Variants in GALNT12 observed in about 807,000 individuals in gnomAD.
The protein encoded by GALNT12 is UDP-GalNAc:polypeptide N-acetylgalactosaminyltransferase 12.
In GALNT12, 45 loss-of-function variants were observed where a neutral mutation model predicts 55.5. The observed-to-expected ratio is 0.81, with a 90% CI of 0.64 to 1.04. The LOEUF (loss-of-function observed/expected upper bound fraction) is 1.04, where lower values mean the gene tolerates loss of function less well. GALNT12 is among the 50% of genes least tolerant of loss of function. The pLI, the probability that GALNT12 is intolerant of heterozygous loss-of-function variation, is 0.00. For missense variants in GALNT12, 709 were observed against 754.8 expected (o/e 0.94, Z 0.71); for synonymous variants, 304 against 312.2 (o/e 0.97, Z 0.28).
Position 98,838,619 on chromosome 9 carries a change from G to C in GALNT12, c.1213-1383G>C, listed in dbSNP as rs73655525. ...TGAGGGATCTGCCTCTTCTTTCCCA[G>C]GTCTTGGGCTTCAGATGAAACACAG... is the stretch of plus-strand genomic sequence containing the variant. On this transcript the variant is annotated intron_variant, in intron 6 of 9. Transcript: ENST00000375011. Among the ~76,000 whole-genome samples, 312 of 152,330 alleles carry C rather than the reference G, an allele frequency of 2.0e-3. 1 individual carries two copies. The highest frequency in any genetic ancestry group is 7.1e-3 in the African/African-American group (297 of 41,578).
At chr9:98,821,060 G>A (rs780741640) in intron 1 of GALNT12, among the ~76,000 whole-genome samples, 1 of 152,188 alleles carries the variant, frequency 6.6e-6, no homozygotes, top group Non-Finnish European at 1.5e-5. Context: ...TGAATCAAGA[G>A]TACAGTGGCA....
At chr9:98,835,789 G>A (rs2416537) in intron 5 of GALNT12, among the ~76,000 whole-genome samples, 51,231 of 151,652 alleles carry the variant, frequency 0.34, 8,861 homozygotes, top group East Asian at 0.5. Context: ...AGGCTGGAGC[G>A]CAGTGGCACG....
chr9:98,839,453 G>A (rs1264727077), intron 6 of GALNT12, among the ~76,000 whole-genome samples: 1 of 152,156 alleles, frequency 6.6e-6, no homozygotes, highest in Non-Finnish European at 1.5e-5. Flanking sequence ...AAAGCTCTCA[G>A]TCATTAGTTT....
At chr9:98,824,422 C>T (rs559438430) in intron 2 of GALNT12, among the ~76,000 whole-genome samples, 32 of 152,254 alleles carry the variant, frequency 2.1e-4, no homozygotes, top group East Asian at 9.7e-4. Flanking sequence ...CCCTTCCTCC[C>T]GAGGGCACTG....
At chr9:98,846,903 T>C (rs1460961641) in intron 9 of GALNT12, among the ~76,000 whole-genome samples, 1 of 149,694 alleles carries the variant, frequency 6.7e-6, no homozygotes, top group Non-Finnish European at 1.5e-5. Context: ...CTTACTTTAC[T>C]GAGGATTAGA....
chr9:98,830,066 G>C lies in GALNT12; in HGVS notation c.732-1706G>C, dbSNP rs377191740. 2.6e-3 allele frequency among the ~76,000 whole-genome samples: 389 copies of C among 152,318 alleles called. 1 individual carries two copies. The highest frequency in any genetic ancestry group is 9.2e-3 in the African/African-American group (381 of 41,570). On this transcript the variant is annotated intron_variant, in intron 3 of 9. Coordinates refer to ENST00000375011, the MANE Select transcript of GALNT12 (RefSeq NM_024642.5). ...AACCTTCAAACTGTTCTCCATAGAG[G>C]TTGTACTAATTTACATTCCCACCAA... is the stretch of plus-strand genomic sequence containing the variant.
At chr9:98,836,482 T>C (rs530653833) in intron 5 of GALNT12, among the ~76,000 whole-genome samples, 2 of 152,338 alleles carry the variant, frequency 1.3e-5, no homozygotes, top group Admixed American at 1.3e-4. Flanking sequence ...TGGGCTCAGA[T>C]GCCTTCGCCT....
At chr9:98,835,500 T>A in intron 5 of GALNT12, 134 bp downstream of exon 5, 1 of 755,724 alleles carries the variant, frequency 1.3e-6, no homozygotes, top group Non-Finnish European at 2.4e-6. Flanking sequence ...CTTGCTTTCT[T>A]GTTTTAGCTT....
chr9:98,813,814 A>C (rs1466837955), intron 1 of GALNT12, among the ~76,000 whole-genome samples: 3 of 152,120 alleles, frequency 2.0e-5, no homozygotes, highest in Non-Finnish European at 2.9e-5. Context: ...GATTTAAAAA[A>C]AAAAAACTTT....
At chr9:98,819,719 G>T (rs1198661059) in intron 1 of GALNT12, among the ~76,000 whole-genome samples, 2 of 152,026 alleles carry the variant, frequency 1.3e-5, no homozygotes, top group African/African-American at 2.4e-5. Context: ...AATTGTCCTT[G>T]TCTTGGTAGG....
At position 98,812,455 on chromosome 9, in the gene GALNT12, G is replaced by T. The variant is rs139091264; in HGVS notation, c.371+4386G>T. Among the ~76,000 whole-genome samples, 1,048 of 152,306 alleles carry T rather than the reference G, an allele frequency of 6.9e-3. 11 individuals are homozygous for T. The highest frequency in any genetic ancestry group is 0.024 in the African/African-American group (982 of 41,572). On this transcript the variant is annotated intron_variant, in intron 1 of 9. Coordinates refer to ENST00000375011, the MANE Select transcript of GALNT12 (RefSeq NM_024642.5). Reference sequence around the variant, plus strand: ...AAAATAGAAAAATTAGCTGGGCGTGGTGGTGGGTGTCTGTAGTCCCAGCTA... The same window carrying T: ...AAAATAGAAAAATTAGCTGGGCGTGTTGGTGGGTGTCTGTAGTCCCAGCTA...
At chr9:98,831,690 G>GGGA in intron 3 of GALNT12, 82 bp from the exon 4 acceptor site, 1 of 1,464,268 alleles carries the variant, frequency 6.8e-7, no homozygotes, top group African/African-American at 1.4e-5. Context: ...AGGAAGACAA[G>GGGA]AATTCACCCT....
At chr9:98,823,093 A>T (rs1485982194) in intron 1 of GALNT12, among the ~76,000 whole-genome samples, 163 bp from the exon 2 acceptor site, 10 of 152,114 alleles carry the variant, frequency 6.6e-5, no homozygotes, top group Admixed American at 6.5e-4. Context: ...CCTTTCTTGG[A>T]GTCTGCTGGG....
At chr9:98,837,292 C>T in intron 6 of GALNT12, 144 bp downstream of exon 6, 3 of 797,302 alleles carry the variant, frequency 3.8e-6, no homozygotes, top group South Asian at 2.8e-5. Flanking sequence ...GAATTTATTC[C>T]TCCATTTATA....
intron 5 of GALNT12, 44 bp from the exon 6 acceptor site, chr9:98,836,928 C>A (rs753008351): frequency 6.2e-7 from 1 of 1,600,308 alleles, no homozygotes; most frequent in African/African-American, 1.3e-5. Flanking sequence ...ACCCGCAGCT[C>A]ATCCCCTGCT....
intron 1 of GALNT12, among the ~76,000 whole-genome samples, chr9:98,822,803 G>A (rs1336941698): frequency 6.6e-6 from 1 of 152,112 alleles, no homozygotes; most frequent in Non-Finnish European, 1.5e-5. Flanking sequence ...CCCAAGATAC[G>A]TGGTCCCAGG....
intron 3 of GALNT12, among the ~76,000 whole-genome samples, chr9:98,828,451 C>T (rs367813624): frequency 2.1e-4 from 32 of 152,216 alleles, no homozygotes; most frequent in African/African-American, 7.5e-4. Flanking sequence ...TTCGTTCCCC[C>T]ACTGCACTCA....
intron 4 of GALNT12, among the ~76,000 whole-genome samples, chr9:98,834,478 T>TA (rs1836081180): frequency 6.6e-6 from 1 of 152,216 alleles, no homozygotes; most frequent in South Asian, 2.1e-4. Flanking sequence ...GTGCTGACCT[T>TA]ACAGTGTTCT....
At position 98,840,020 on chromosome 9, in the gene GALNT12, A is replaced by G. The variant is rs1052099605; in HGVS notation, c.1231A>G (p.Thr411Ala). 8.7e-6 allele frequency: 14 copies of G among 1,614,036 alleles called. No homozygotes were observed. The highest frequency in any genetic ancestry group is 1.2e-5 in the Non-Finnish European group (14 of 1,180,018). ...RARLEPFGDV[T>A]ERKQLRDKLQ... ...TTCTCAGGAACCTTTTGGGGATGTGACAGAGAGGAAGCAGCTCCGGGACAA... is the reference window on the plus strand; with the variant it reads ...TTCTCAGGAACCTTTTGGGGATGTGGCAGAGAGGAAGCAGCTCCGGGACAA... Residue 411 changes from threonine (T) to alanine (A), a missense_variant, in exon 7 of 10, where the codon ACA (threonine) becomes GCA (alanine). This residue lies in a region of GALNT12 where 262 missense variants were observed against 310.7 expected (regional missense o/e 0.84). Transcript: ENST00000375011.
Sources: gnomAD v4.1 joint callset for allele counts (sites outside exome capture counted in the v4.1 genomes callset) on GRCh38, gnomAD v4.1.1 for gene constraint, gnomAD v4.1.1 regional missense constraint, MANE v1.5 for transcripts, NCBI Gene and HGNC (gene_info 2026-07-23, HGNC 2026-07-21) for gene names.